The following GPRC6A variants were observed in gnomAD, a reference collection of about 807,000 sequenced individuals.
GPRC6A encodes the protein G protein-coupled receptor class C group 6 member A, also known as G protein-coupled receptor family C group 6 member A.
A neutral mutation model predicts 47.0 loss-of-function variants in GPRC6A; 54 were observed. The ratio of observed to expected loss-of-function variants is 1.15; its 90% CI spans 0.92 to 1.44. The LOEUF is 1.44. Among genes scored for constraint, GPRC6A ranks in the 40% most tolerant of loss-of-function variants. GPRC6A has a pLI of 0.00. For synonymous variants in GPRC6A, 347 were observed against 377.1 expected (o/e 0.92, Z 0.93); for missense variants, 1,112 against 1,105.5 (o/e 1.01, Z -0.08).
chr6:116,821,165 C>A (rs1239368799), intron 1 of GPRC6A, among the ~76,000 whole-genome samples: 5 of 151,694 alleles, frequency 3.3e-5, no homozygotes, highest in Middle Eastern at 3.2e-3. Flanking sequence ...ATGTGAAGGA[C>A]CTCTTCAAGG....
At chr6:116,808,987 C>T (rs1254036869) in intron 2 of GPRC6A, among the ~76,000 whole-genome samples, 2 of 152,202 alleles carry the variant, frequency 1.3e-5, no homozygotes, top group Non-Finnish European at 2.9e-5. Context: ...ATGACCCAGG[C>T]TTTGCCTGTC....
intron 3 of GPRC6A, among the ~76,000 whole-genome samples, chr6:116,805,603 C>T (rs1772810817): frequency 7.0e-6 from 1 of 143,358 alleles, no homozygotes; most frequent in Non-Finnish European, 1.6e-5. Flanking sequence ...ATGCCTTGTT[C>T]AAGGGCATTT....
intron 1 of GPRC6A, among the ~76,000 whole-genome samples, chr6:116,823,661 A>G (rs74883677): frequency 1.9e-3 from 295 of 152,206 alleles, no homozygotes; most frequent in African/African-American, 6.9e-3. Context: ...GTATTAGCCC[A>G]TTCTTGCATT....
intron 1 of GPRC6A, among the ~76,000 whole-genome samples, chr6:116,826,698 G>T (rs879692653): frequency 1.3e-5 from 2 of 151,802 alleles, no homozygotes; most frequent in Non-Finnish European, 2.9e-5. Flanking sequence ...CTACTATTGG[G>T]TATCTATTCA....
At position 116,793,116 on chromosome 6, in the gene GPRC6A, G is replaced by C. The variant is rs1562477171; in HGVS notation, c.1807C>G (p.Leu603Val). The C allele has an allele frequency of 6.2e-7, 1 of 1,613,974 alleles. No homozygotes were observed. Among genetic ancestry groups the C allele is most frequent in the Non-Finnish European group, 8.5e-7 (1 of 1,179,864 alleles). Reference sequence around the variant, plus strand: ...ACAACCAGAACAAATATGATTCCCAGTAGGGAGAGAATCAGGAGTAGGATG... The same window carrying C: ...ACAACCAGAACAAATATGATTCCCACTAGGGAGAGAATCAGGAGTAGGATG... ...LAILLLILSL[L>V]GIIFVLVVGI... Residue 603 changes from leucine to valine, a missense_variant, in exon 6 of 6, where the codon CTG becomes GTG. Leu to Val is a conservative substitution (Grantham distance 32). Transcript: ENST00000310357.
At chr6:116,819,889 A>C (rs1046372049) in intron 1 of GPRC6A, among the ~76,000 whole-genome samples, 8 of 150,048 alleles carry the variant, frequency 5.3e-5, no homozygotes, top group African/African-American at 1.5e-4. Context: ...AGAGACACAA[A>C]AAACCCTTCA....
chr6:116,825,688 AT>A (rs1263511642), intron 1 of GPRC6A, among the ~76,000 whole-genome samples: 1 of 151,880 alleles, frequency 6.6e-6, no homozygotes, highest in Non-Finnish European at 1.5e-5. Context: ...TGTCAACATC[AT>A]TTTTCACAGA....
At chr6:116,821,902 C>T (rs1331985894) in intron 1 of GPRC6A, among the ~76,000 whole-genome samples, 3 of 150,142 alleles carry the variant, frequency 2.0e-5, no homozygotes, top group Non-Finnish European at 4.4e-5. Flanking sequence ...GCAAAAGAAA[C>T]TACCATCAGA....
At chr6:116,821,918 C>T (rs1582479476) in intron 1 of GPRC6A, among the ~76,000 whole-genome samples, 2 of 149,930 alleles carry the variant, frequency 1.3e-5, no homozygotes, top group South Asian at 2.1e-4. Flanking sequence ...TCAGAGTGAA[C>T]AGGCAACCTA....
At chr6:116,798,166 TAA>T (rs1422338833) in intron 4 of GPRC6A, among the ~76,000 whole-genome samples, 1 of 152,168 alleles carries the variant, frequency 6.6e-6, no homozygotes, top group Non-Finnish European at 1.5e-5. Flanking sequence ...CAGAAAGTTA[TAA>T]GTGTTAAGGA....
At chr6:116,823,854 A>G (rs1773589174) in intron 1 of GPRC6A, among the ~76,000 whole-genome samples, 1 of 152,024 alleles carries the variant, frequency 6.6e-6, no homozygotes, top group Non-Finnish European at 1.5e-5. Flanking sequence ...CCAGATTAGG[A>G]GGAAGAAAGA....
intron 1 of GPRC6A, among the ~76,000 whole-genome samples, chr6:116,821,841 A>G (rs1284279375): frequency 1.3e-5 from 2 of 151,280 alleles, no homozygotes; most frequent in Admixed American, 6.6e-5. Flanking sequence ...AATGGCAACA[A>G]AAGCCAAAAT....
intron 3 of GPRC6A, among the ~76,000 whole-genome samples, chr6:116,805,427 T>C (rs935960567): frequency 7.9e-5 from 12 of 152,012 alleles, no homozygotes; most frequent in Admixed American, 5.3e-4. Context: ...ATCAGAAGAA[T>C]TGTCTCATTT....
At chr6:116,800,841 C>CA (rs1158556779) in intron 3 of GPRC6A, 45 bp from the exon 4 acceptor site, 4 of 1,135,832 alleles carry the variant, frequency 3.5e-6, no homozygotes, top group Non-Finnish European at 5.2e-6. Flanking sequence ...ATAAATGTTG[C>CA]AAATGTATCC....
At chr6:116,796,381 T>C (rs1266556345) in intron 4 of GPRC6A, among the ~76,000 whole-genome samples, 3 of 152,162 alleles carry the variant, frequency 2.0e-5, no homozygotes, top group Non-Finnish European at 4.4e-5. Flanking sequence ...CCTAAATATA[T>C]ACTATTTAAA....
rs1772644654 is a variant in GPRC6A at position 116,800,696 on chromosome 6, C to T, written c.1436G>A (p.Trp479Ter). 5 of 1,610,046 alleles carry T rather than the reference C, an allele frequency of 3.1e-6. No homozygotes were observed. The East Asian group carries it at 1.1e-4, about 36-fold the overall frequency. ...DLNTGYDVVL[W>*]KEINGHMTVT... ...AGTCATGTGTCCATTGATCTCCTTC[C>T]AGAGCACAACATCATATCCAGTATT... Residue 479 changes from tryptophan to a stop codon, truncating the protein, a stop_gained, in exon 4 of 6, where the codon TGG becomes TAG. Transcript: ENST00000310357. LOFTEE classifies it high-confidence loss of function.
At position 116,792,471 on chromosome 6, in the gene GPRC6A, T is replaced by C. The variant is rs1242964244; in HGVS notation, c.2452A>G (p.Ile818Val). Residue 818 changes from isoleucine to valine, a missense_variant, in exon 6 of 6, where the codon ATA (isoleucine) becomes GTA (valine). Ile to Val is a conservative substitution (Grantham distance 29, BLOSUM62 3). Transcript: ENST00000310357. Reference protein sequence around the residue: ...KYVPAVEIIVILISNYGILYC... With the variant: ...KYVPAVEIIVVLISNYGILYC... The stretch of plus-strand genomic sequence containing the variant: ...AGGATTCCATAGTTAGATATTAATA[T>C]GACAATAATCTCCACAGCTGGTACA... 1.9e-6 allele frequency: 3 copies of C among 1,613,684 alleles called. No homozygotes were observed. The highest frequency in any genetic ancestry group is 1.3e-5 in the African/African-American group (1 of 74,908).
At chr6:116,815,515 G>C (rs1773176846) in intron 1 of GPRC6A, among the ~76,000 whole-genome samples, 1 of 152,100 alleles carries the variant, frequency 6.6e-6, no homozygotes, top group African/African-American at 2.4e-5. Flanking sequence ...TTTAGACCAA[G>C]TGGACCCAAC....
At chr6:116,807,889 A>G (rs1772905066) in intron 2 of GPRC6A, among the ~76,000 whole-genome samples, 1 of 152,110 alleles carries the variant, frequency 6.6e-6, no homozygotes, top group African/African-American at 2.4e-5. Flanking sequence ...TAATGTACAC[A>G]AAGTTTTGCC....
Sources: gnomAD v4.1 joint callset for allele counts (sites outside exome capture counted in the v4.1 genomes callset) on GRCh38, gnomAD v4.1.1 for gene constraint, MANE v1.5 for transcripts, NCBI Gene and HGNC (gene_info 2026-07-23, HGNC 2026-07-21) for gene names.